Variants in TAS2R1 observed in about 807,000 individuals in gnomAD.
TAS2R1 encodes taste receptor type 2 member 1.
For synonymous variants in TAS2R1, 141 were observed against 134.2 expected (o/e 1.05, Z -0.35); for missense variants, 370 against 353.4 (o/e 1.05, Z -0.38).
chr5:9,891,819 C>A, the TAS2R1 span, among the ~76,000 whole-genome samples: 1 of 152,168 alleles, frequency 6.6e-6, no homozygotes, highest in Non-Finnish European at 1.5e-5. Flanking sequence ...TACCCCAAGC[C>A]ACCAAAGCAC....
At chr5:9,878,399 A>C in the TAS2R1 span, among the ~76,000 whole-genome samples, 1 of 152,240 alleles carries the variant, frequency 6.6e-6, no homozygotes, top group Middle Eastern at 3.4e-3. Context: ...GCTTTCCCTC[A>C]CTAGAGCCTT....
chr5:9,902,894 A>C, the TAS2R1 span: 1 of 151,988 alleles, frequency 6.6e-6, no homozygotes, highest in East Asian at 1.9e-4. Flanking sequence ...TCGTGTCTTC[A>C]GCAGGTAGAA....
At chr5:9,719,935 AAAACAAAAAC>A in the TAS2R1 span, among the ~76,000 whole-genome samples, 3 of 135,290 alleles carry the variant, frequency 2.2e-5, no homozygotes, top group African/African-American at 8.5e-5. Context: ...AAAAAAAAAA[AAAACAAAAAC>A]AAAAACAAAC....
chr5:9,785,846 G>A, the TAS2R1 span, among the ~76,000 whole-genome samples: 7 of 152,228 alleles, frequency 4.6e-5, no homozygotes, highest in East Asian at 1.4e-3. Flanking sequence ...GCCATATTAG[G>A]TTTCAAAAGT....
chr5:9,700,308 T>C (rs1741452485), intron 1 of TAS2R1, among the ~76,000 whole-genome samples: 1 of 152,196 alleles, frequency 6.6e-6, no homozygotes, highest in African/African-American at 2.4e-5. Context: ...CTAGAATCTA[T>C]GTGTTTACCT....
chr5:9,798,995 C>G, the TAS2R1 span, among the ~76,000 whole-genome samples: 34 of 152,176 alleles, frequency 2.2e-4, no homozygotes, highest in Non-Finnish European at 4.1e-4. Context: ...TCTCCCCTTT[C>G]TAAGCCTGGC....
At chr5:9,835,573 G>A in the TAS2R1 span, among the ~76,000 whole-genome samples, 9 of 152,226 alleles carry the variant, frequency 5.9e-5, no homozygotes, top group Non-Finnish European at 1.2e-4. Flanking sequence ...TTCCCAGCAG[G>A]ATGCTGACAC....
chr5:9,676,083 A>G (rs1380754726), intron 1 of TAS2R1, among the ~76,000 whole-genome samples: 2 of 151,974 alleles, frequency 1.3e-5, no homozygotes, highest in Non-Finnish European at 2.9e-5. Flanking sequence ...AATTTTGTCA[A>G]TTTTTTGCAT....
rs552734219 is a variant in TAS2R1 at position 9,651,136 on chromosome 5, C to T, written c.-81+8285G>A. On this transcript the variant is annotated intron_variant, in intron 2 of 2. Transcript: ENST00000506620. ...ACTGTGCTGTGGTGTGGAGAAATTC[C>T]AAATGGAAAAATTGAACATATTCTG... 2.3e-3 allele frequency among the ~76,000 whole-genome samples: 352 copies of T among 152,210 alleles called. 4 individuals carry two copies. Among genetic ancestry groups the T allele is most frequent in the African/African-American group, 8.0e-3 (334 of 41,538 alleles).
At chr5:9,748,969 T>A in the TAS2R1 span, among the ~76,000 whole-genome samples, 36 of 152,190 alleles carry the variant, frequency 2.4e-4, no homozygotes, top group African/African-American at 8.2e-4. Context: ...TTCCTTTCTC[T>A]CTTCTCATTC....
the TAS2R1 span, among the ~76,000 whole-genome samples, chr5:9,779,570 T>C: frequency 6.6e-6 from 1 of 152,174 alleles, no homozygotes; most frequent in Non-Finnish European, 1.5e-5. Context: ...GGAAGAGAGA[T>C]GGGGAAACAG....
Position 9,665,015 on chromosome 5 carries a change from T to C in TAS2R1, c.-241-5434A>G, listed in dbSNP as rs1025621710. On this transcript the variant is annotated intron_variant, in intron 1 of 2. Transcript: ENST00000506620. ...CAGCTGAAAACACCAATTTATTTTC[T>C]CATAGTTCTGCCAGTCAGGAGTCCA... 4.6e-5 allele frequency among the ~76,000 whole-genome samples: 7 copies of C among 152,334 alleles called. No homozygotes were observed. The East Asian group carries it at 9.7e-4, about 21-fold the overall frequency.
At chr5:9,843,520 C>CA in the TAS2R1 span, among the ~76,000 whole-genome samples, 10 of 152,248 alleles carry the variant, frequency 6.6e-5, no homozygotes, top group Middle Eastern at 3.4e-3. Flanking sequence ...GATATTACAA[C>CA]AAAAAAGTAT....
chr5:9,714,590 T>A (rs1311061766), upstream of TAS2R1, among the ~76,000 whole-genome samples: 1 of 152,104 alleles, frequency 6.6e-6, no homozygotes, highest in Non-Finnish European at 1.5e-5. Flanking sequence ...AATATGAAAA[T>A]CAGAAACAAT....
the TAS2R1 span, among the ~76,000 whole-genome samples, chr5:9,790,667 C>T: frequency 3.9e-5 from 6 of 152,126 alleles, no homozygotes; most frequent in African/African-American, 1.4e-4. Flanking sequence ...CTCACCCTGT[C>T]GCCCAGGCTG....
chr5:9,881,306 G>C, the TAS2R1 span, among the ~76,000 whole-genome samples: 1 of 152,166 alleles, frequency 6.6e-6, no homozygotes, highest in African/African-American at 2.4e-5. Flanking sequence ...GCTAACAAGG[G>C]AAGCGAAGGA....
the TAS2R1 span, among the ~76,000 whole-genome samples, chr5:9,835,858 T>C: frequency 1.3e-5 from 2 of 152,166 alleles, no homozygotes; most frequent in Admixed American, 6.5e-5. Context: ...GTTAAAACTG[T>C]AGGAAAAATC....
the TAS2R1 span, chr5:9,854,286 C>T: frequency 4.0e-5 from 6 of 151,740 alleles, no homozygotes; most frequent in African/African-American, 1.5e-4. Context: ...AGAAGGACAC[C>T]AGTCATATTG....
chr5:9,667,831 G>A (rs747712924), intron 1 of TAS2R1, among the ~76,000 whole-genome samples: 1 of 152,108 alleles, frequency 6.6e-6, no homozygotes, highest in Non-Finnish European at 1.5e-5. Context: ...AGATGAGAAA[G>A]AACCAATGCA....
Sources: gnomAD v4.1 joint callset for allele counts (sites outside exome capture counted in the v4.1 genomes callset) on GRCh38, gnomAD v4.1.1 for gene constraint, MANE v1.5 for transcripts, NCBI Gene and HGNC (gene_info 2026-07-23, HGNC 2026-07-21) for gene names.